The following SERPINB9 variants were observed in gnomAD, a reference collection of about 807,000 sequenced individuals.
The protein encoded by SERPINB9 is serpin B9.
SERPINB9 carries 20 observed loss-of-function variants against 27.2 expected under a neutral mutation model. The observed-to-expected ratio is 0.74, with a 90% CI of 0.52 to 1.07. SERPINB9 has a LOEUF of 1.07. Among genes scored for constraint, SERPINB9 ranks in the 50% least tolerant of loss-of-function variants. The pLI, the probability that SERPINB9 is intolerant of heterozygous loss-of-function variation, is 0.00. For missense variants in SERPINB9, 476 were observed against 460.1 expected (o/e 1.03, Z -0.32); for synonymous variants, 189 against 180.0 (o/e 1.05, Z -0.40).
rs1561649906 is a variant in SERPINB9, at chr6:2,903,018, G to A, written c.-11+183C>T. ...GCTGTGGGCCGCCAAGGCGGAGACC[G>A]GCTGCCGCTCCCAGGCACCCCCCAG... On this transcript the variant is annotated intron_variant, in intron 1 of 6. Coordinates refer to ENST00000380698, the MANE Select transcript of SERPINB9 (RefSeq NM_004155.6). This position sits in a 1 kb window ranked among gnomAD's most constrained non-coding sequence, Gnocchi z 5.2. Among the ~76,000 whole-genome samples, 1 of 152,184 alleles carries A rather than the reference G, an allele frequency of 6.6e-6. No individual in the cohort carries two copies. The highest frequency in any genetic ancestry group is 2.4e-5 in the African/African-American group (1 of 41,452).
Position 2,890,249 on chromosome 6 carries a change from A to C in SERPINB9, c.1045T>G (p.Phe349Val). ...AAAAGGAAAGGGTGGTCAGCACAGA[A>C]CCTGGGGCCAGATTCCATGCAGCAC... ...AECCMESGPR[F>V]CADHPFLFFI... is the part of the protein sequence containing the mutation. The change falls in exon 7 of 7, where the codon TTC becomes GTC. Residue 349 changes from phenylalanine (F) to valine (V), a missense_variant. Physicochemically the swap from Phe to Val is conservative, Grantham distance 50. Transcript: ENST00000380698. The surrounding 1 kb of genome is among the most constrained non-coding windows in gnomAD (Gnocchi z 6.2). The C allele has an allele frequency of 6.2e-7, 1 of 1,614,176 alleles. No individual in the cohort carries two copies. Among genetic ancestry groups the C allele is most frequent in the Non-Finnish European group, 8.5e-7 (1 of 1,180,030 alleles).
Position 2,887,593 on chromosome 6 carries a change from T to C in SERPINB9, c.*2570A>G, listed in dbSNP as rs1382805443. The stretch of plus-strand genomic sequence containing the variant: ...TGGGCTCAGTGGCTTATGCCTGTAA[T>C]CCTAGCACTTTGGGAGGCTGAGGTA... On this transcript the variant is annotated 3_prime_UTR_variant, in exon 7 of 7. Coordinates refer to ENST00000380698, the MANE Select transcript of SERPINB9 (RefSeq NM_004155.6). 1.3e-5 allele frequency: 2 copies of C among 152,160 alleles called. No homozygotes were observed. The highest frequency in any genetic ancestry group is 2.9e-5 in the Non-Finnish European group (2 of 68,034). The allele number at this position is 152,160 out of a possible 1,614,324, so 9.4% of individuals were successfully genotyped here.
intron 5 of SERPINB9, among the ~76,000 whole-genome samples, 190 bp downstream of exon 5, chr6:2,893,221 A>AATATATATATTATATATACGT (rs1491478679): frequency 7.1e-6 from 1 of 141,196 alleles, no homozygotes; most frequent in Non-Finnish European, 1.5e-5. Flanking sequence ...ACGTATATAT[A>AATATATATATTATATATACGT]ATATATATAT....
At position 2,891,054 on chromosome 6, in the gene SERPINB9, C is replaced by T. The variant is rs1329744958; in HGVS notation, c.724-484G>A. ...GAGGATTATCTGCCCCAGAGAGATT[C>T]TGCATAGTTTCCGGAGCATAGTTTC... On this transcript the variant is annotated intron_variant, in intron 6 of 6. Transcript: ENST00000380698. This position sits in a 1 kb window ranked among gnomAD's most constrained non-coding sequence, Gnocchi z 4.0. Among the ~76,000 whole-genome samples the T allele has an allele frequency of 6.6e-6, 1 of 152,200 alleles. No individual in the cohort carries two copies. Among genetic ancestry groups the T allele is most frequent in the African/African-American group, 2.4e-5 (1 of 41,440 alleles).
rs202243186 is a variant in SERPINB9 at position 2,896,112 on chromosome 6, G to C, written c.247C>G (p.Gln83Glu). The C allele has an allele frequency of 1.5e-4, 239 of 1,614,032 alleles. No homozygotes were observed. Among genetic ancestry groups the C allele is most frequent in the Non-Finnish European group, 1.9e-4 (228 of 1,180,022 alleles). ...LLTEVNKAGTQYLLRTANRLF... is the reference protein window; with the variant it reads ...LLTEVNKAGTEYLLRTANRLF... ...CTGTTGGCCGTTCTCAGCAGGTACT[G>C]TGTGCCAGCCTTGTTCACTTCAGTG... The change falls in exon 3 of 7, where the codon CAG (glutamine) becomes GAG (glutamate). Residue 83 changes from glutamine (Q) to glutamate (E), a missense_variant. Transcript: ENST00000380698.
At chr6:2,893,183 A>C (rs1767868030) in intron 5 of SERPINB9, among the ~76,000 whole-genome samples, 1 of 54,640 alleles carries the variant, frequency 1.8e-5, no homozygotes, top group African/African-American at 4.7e-5. Context: ...GTGATAAAAC[A>C]CTACATATAT....
chr6:2,891,921 A>T lies in SERPINB9; in HGVS notation c.635T>A (p.Val212Glu), dbSNP rs1767814538. 6.2e-7 allele frequency: 1 copy of T among 1,613,252 alleles called. No individual in the cohort carries two copies. The highest frequency in any genetic ancestry group is 1.1e-5 in the South Asian group (1 of 91,064). ...ATFKLAHVGE[V>E]RAQLLELPYA... ...GGGCAGCTCCAGCAGCTGCGCGCGC[A>T]CCTCGCCCACGTGGGCGAGCTTAAA... The change falls in exon 6 of 7, where the codon GTG becomes GAG. Residue 212 changes from valine (V) to glutamate (E), a missense_variant. Val to Glu is a moderately radical substitution (Grantham distance 121). Transcript: ENST00000380698. This position sits in a 1 kb window ranked among gnomAD's most constrained non-coding sequence, Gnocchi z 4.0.
In SERPINB9 at chr6:2,895,460, G is replaced by C; in HGVS notation, c.355C>G (p.Leu119Val). The change falls in exon 4 of 7, where the codon CTT (leucine) becomes GTT (valine). Residue 119 changes from leucine to valine, a missense_variant. Physicochemically the swap from Leu to Val is conservative, Grantham distance 32 (BLOSUM62 1). Transcript: ENST00000380698. ...LQFYHAELKE[L>V]SFIRAAEESR... Reference sequence around the variant, plus strand: ...TCTTCTGCAGCTCTGATAAAGGAAAGCTCCTTCAGCTCAGCATGGTAGAAT... The same window carrying C: ...TCTTCTGCAGCTCTGATAAAGGAAACCTCCTTCAGCTCAGCATGGTAGAAT... 6.2e-7 allele frequency: 1 copy of C among 1,613,722 alleles called. No homozygotes were observed. Among genetic ancestry groups the C allele is most frequent in the South Asian group, 1.1e-5 (1 of 91,038 alleles).
At position 2,889,996 on chromosome 6, in the gene SERPINB9, G is replaced by A. The variant is rs1039770897; in HGVS notation, c.*167C>T. ...AAGATTCTGATTAAGTAGCATAAGC[G>A]AGTGTGGAGCATCATGAATTCATGC... On this transcript the variant is annotated 3_prime_UTR_variant, in exon 7 of 7. Coordinates refer to ENST00000380698, the MANE Select transcript of SERPINB9 (RefSeq NM_004155.6). 12 of 560,426 alleles carry A rather than the reference G, an allele frequency of 2.1e-5. No individual in the cohort carries two copies. Among genetic ancestry groups the A allele is most frequent in the East Asian group, 8.4e-5 (3 of 35,626 alleles). The allele number at this position is 560,426 out of a possible 1,614,324, so 34.7% of individuals were successfully genotyped here.
intron 5 of SERPINB9, among the ~76,000 whole-genome samples, chr6:2,893,053 CTTTT>C (rs5873846): frequency 8.8e-6 from 1 of 113,534 alleles, no homozygotes. Context: ...TACCTTAACA[CTTTT>C]TTTTTTTTTT....
chr6:2,892,065 C>T (rs1767822438), intron 5 of SERPINB9, 77 bp from the exon 6 acceptor site: 2 of 1,221,216 alleles, frequency 1.6e-6, no homozygotes, highest in Admixed American at 2.1e-5. Flanking sequence ...GTTTTCAGCA[C>T]CTGTGATGGA....
At position 2,891,745 on chromosome 6, in the gene SERPINB9, C is replaced by T. The variant is rs537945590; in HGVS notation, c.723+88G>A. The stretch of plus-strand genomic sequence containing the variant: ...CAGTGTGCGTCTGCCGCATCGCCAA[C>T]TCAGAAGGTGAATATGAGAGGTGGA... On this transcript the variant is annotated intron_variant, in intron 6 of 6. Coordinates refer to ENST00000380698, the MANE Select transcript of SERPINB9 (RefSeq NM_004155.6). The surrounding 1 kb of genome is among the most constrained non-coding windows in gnomAD (Gnocchi z 4.0). 6.8e-6 allele frequency: 10 copies of T among 1,462,764 alleles called. No homozygotes were observed. The highest frequency in any genetic ancestry group is 2.5e-4 in the Middle Eastern group (1 of 4,052). The allele number at this position is 1,462,764 out of a possible 1,614,324, so 90.6% of individuals were successfully genotyped here. A position where few individuals can be genotyped will look rare whatever the true frequency, so the allele number is the denominator to read the frequency against.
chr6:2,890,337 A>C lies in SERPINB9; in HGVS notation c.957T>G (p.Phe319Leu). Residue 319 changes from phenylalanine (F) to leucine (L), a missense_variant, in exon 7 of 7, where the codon TTT becomes TTG. Coordinates refer to ENST00000380698, the MANE Select transcript of SERPINB9 (RefSeq NM_004155.6). This position sits in a 1 kb window ranked among gnomAD's most constrained non-coding sequence, Gnocchi z 6.2. Reference sequence around the variant, plus strand: ...CGGTGCCTTCTTCATTCACCTCCACAAAACTCTTGTGCACGAACTTGGACA... The same window carrying C: ...CGGTGCCTTCTTCATTCACCTCCACCAAACTCTTGTGCACGAACTTGGACA... ...LCLSKFVHKS[F>L]VEVNEEGTEA... The C allele has an allele frequency of 6.2e-7, 1 of 1,614,206 alleles. No homozygotes were observed. Among genetic ancestry groups the C allele is most frequent in the Non-Finnish European group, 8.5e-7 (1 of 1,180,032 alleles).
At chr6:2,898,061 G>A (rs1203459669) in intron 2 of SERPINB9, among the ~76,000 whole-genome samples, 2 of 151,808 alleles carry the variant, frequency 1.3e-5, no homozygotes, top group Non-Finnish European at 2.9e-5. Context: ...GGGTGACAGA[G>A]CAGAGACTCT....
rs1022550408 is a variant in SERPINB9, at chr6:2,894,938, G to T, written c.424+453C>A. 4.6e-4 allele frequency among the ~76,000 whole-genome samples: 49 copies of T among 107,106 alleles called. No homozygotes were observed. The highest frequency in any genetic ancestry group is 4.9e-3 in the Middle Eastern group (1 of 206). The allele number at this position is 107,106 out of a possible 152,430, so 70.3% of individuals were successfully genotyped here. A position where few individuals can be genotyped will look rare whatever the true frequency, so the allele number is the denominator to read the frequency against. On this transcript the variant is annotated intron_variant, in intron 4 of 6. Transcript: ENST00000380698. This position sits in a 1 kb window ranked among gnomAD's most constrained non-coding sequence, Gnocchi z 4.7. Reference sequence around the variant, plus strand: ...TTTTGTATTTTTAGTAGAGATGTTGGGCGGGGGGGGGTCCCACCATGTTGG... The same window carrying T: ...TTTTGTATTTTTAGTAGAGATGTTGTGCGGGGGGGGGTCCCACCATGTTGG...
In SERPINB9 at chr6:2,894,934, G is replaced by T. The variant is rs1003276462; in HGVS notation, c.424+457C>A. Among the ~76,000 whole-genome samples, 3 of 96,920 alleles carry T rather than the reference G, an allele frequency of 3.1e-5. No homozygotes were observed. Among genetic ancestry groups the T allele is most frequent in the African/African-American group, 1.3e-4 (3 of 22,676 alleles). The allele number at this position is 96,920 out of a possible 152,430, so 63.6% of individuals were successfully genotyped here. ...TAATTTTTGTATTTTTAGTAGAGAT[G>T]TTGGGCGGGGGGGGGTCCCACCATG... On this transcript the variant is annotated intron_variant, in intron 4 of 6. Coordinates refer to ENST00000380698, the MANE Select transcript of SERPINB9 (RefSeq NM_004155.6). The surrounding 1 kb of genome is among the most constrained non-coding windows in gnomAD (Gnocchi z 4.7).
chr6:2,893,952 A>C (rs1004462662), intron 4 of SERPINB9, among the ~76,000 whole-genome samples: 3 of 152,096 alleles, frequency 2.0e-5, no homozygotes, highest in African/African-American at 7.2e-5. Flanking sequence ...TGGACATGTC[A>C]GAAGCAACCA....
chr6:2,892,882 T>C (rs1767857373), intron 5 of SERPINB9, among the ~76,000 whole-genome samples: 1 of 151,930 alleles, frequency 6.6e-6, no homozygotes, highest in African/African-American at 2.4e-5. Context: ...TGTCATGAAG[T>C]TTTAATATTA....
rs1437249651 is a variant in SERPINB9, at chr6:2,890,631, G to A, written c.724-61C>T. The A allele has an allele frequency of 6.1e-6, 9 of 1,480,530 alleles. No homozygotes were observed. In the Admixed American group the frequency reaches 1.7e-4, roughly 28 times the overall value. 91.7% of individuals were successfully genotyped at this position (1,480,530 alleles called of 1,614,324 possible). A position where few individuals can be genotyped will look rare whatever the true frequency, so the allele number is the denominator to read the frequency against. ...TCAGTGCACATGTACAAGCGCACAG[G>A]CACTCACAGTTCCCTTCCTCCCCTT... On this transcript the variant is annotated intron_variant, in intron 6 of 6. Coordinates refer to ENST00000380698, the MANE Select transcript of SERPINB9 (RefSeq NM_004155.6). The surrounding 1 kb of genome is among the most constrained non-coding windows in gnomAD (Gnocchi z 6.2).
Sources: allele counts gnomAD v4.1 joint callset (sites outside exome capture counted in the v4.1 genomes callset), GRCh38; gene constraint gnomAD v4.1.1; non-coding constraint Gnocchi (gnomAD v3.1); transcripts MANE v1.5; gene names NCBI Gene and HGNC (gene_info 2026-07-23, HGNC 2026-07-21).